Variants in SRRM4 observed in about 807,000 individuals in gnomAD.
SRRM4 encodes serine/arginine repetitive matrix protein 4.
In SRRM4, 33 loss-of-function variants were observed where a neutral mutation model predicts 68.9. The ratio of observed to expected loss-of-function variants is 0.48; its 90% CI spans 0.36 to 0.64. SRRM4 has a LOEUF of 0.64. SRRM4 is among the 30% of genes least tolerant of loss of function. The pLI, the probability that SRRM4 is intolerant of heterozygous loss-of-function variation, is 0.00. For missense variants in SRRM4, 817 were observed against 827.1 expected (o/e 0.99, Z 0.15); for synonymous variants, 318 against 318.8 (o/e 1.00, Z 0.03).
At chr12:119,028,444 A>C (rs975403341) in intron 1 of SRRM4, among the ~76,000 whole-genome samples, 2 of 152,192 alleles carry the variant, frequency 1.3e-5, no homozygotes, top group African/African-American at 2.4e-5. Flanking sequence ...GGTTTTATAA[A>C]GGGCAGTTCC....
intron 1 of SRRM4, among the ~76,000 whole-genome samples, chr12:119,035,627 G>GT (rs981977812): frequency 1.3e-5 from 2 of 151,846 alleles, no homozygotes; most frequent in African/African-American, 4.8e-5. Flanking sequence ...TCAATCTACT[G>GT]TTTCATGCTT....
intron 1 of SRRM4, among the ~76,000 whole-genome samples, chr12:119,101,778 T>C (rs1954079008): frequency 6.6e-6 from 1 of 152,136 alleles, no homozygotes; most frequent in South Asian, 2.1e-4. Flanking sequence ...AATCCTATCA[T>C]GCTTTGGCCT....
intron 1 of SRRM4, among the ~76,000 whole-genome samples, chr12:119,059,066 A>G (rs1474423): frequency 0.28 from 42,166 of 151,960 alleles, 6,099 homozygotes; most frequent in East Asian, 0.43. Flanking sequence ...CAAGCTCAAG[A>G]TCTGTGAACA....
intron 3 of SRRM4, 100 bp downstream of exon 3, chr12:119,114,464 C>G (rs929196805): frequency 1.2e-6 from 1 of 861,532 alleles, no homozygotes; most frequent in Non-Finnish European, 1.9e-6. Context: ...TTCAAATCCC[C>G]TCTCTGATGC....
intron 1 of SRRM4, among the ~76,000 whole-genome samples, chr12:118,995,785 C>A (rs1953345635): frequency 6.6e-6 from 1 of 152,148 alleles, no homozygotes; most frequent in South Asian, 2.1e-4. Context: ...CATGCATCTA[C>A]CCATCCACCC....
intron 1 of SRRM4, among the ~76,000 whole-genome samples, chr12:119,078,276 T>G (rs1039618350): frequency 5.9e-5 from 9 of 152,208 alleles, no homozygotes; most frequent in African/African-American, 1.9e-4. Context: ...CCACTAGTTG[T>G]GTACTGAGCT....
intron 6 of SRRM4, among the ~76,000 whole-genome samples, chr12:119,122,707 C>A (rs1164097775): frequency 6.6e-6 from 1 of 152,034 alleles, no homozygotes; most frequent in African/African-American, 2.4e-5. Flanking sequence ...ACACTAAATT[C>A]TATGCACTGT....
intron 1 of SRRM4, among the ~76,000 whole-genome samples, chr12:119,009,714 G>GT (rs1247828582): frequency 2.0e-5 from 3 of 152,142 alleles, no homozygotes; most frequent in African/African-American, 7.2e-5. Flanking sequence ...AACAGCAAAT[G>GT]TCCACTGAGT....
At chr12:119,092,583 T>C (rs539447737) in intron 1 of SRRM4, among the ~76,000 whole-genome samples, 2 of 152,272 alleles carry the variant, frequency 1.3e-5, no homozygotes, top group South Asian at 2.1e-4. Flanking sequence ...AAAAACTCTG[T>C]TGATTCTACC....
chr12:119,110,178 C>T (rs1419002560), intron 2 of SRRM4, among the ~76,000 whole-genome samples: 1 of 152,202 alleles, frequency 6.6e-6, no homozygotes, highest in Non-Finnish European at 1.5e-5. Context: ...CCTGATCCTT[C>T]CTCTGGAATC....
intron 1 of SRRM4, among the ~76,000 whole-genome samples, chr12:119,056,695 C>T (rs1281491483): frequency 6.6e-6 from 1 of 152,102 alleles, no homozygotes; most frequent in Admixed American, 6.6e-5. Context: ...CTCACTCGGC[C>T]TTCTTTTGCA....
chr12:119,078,259 C>A, intron 1 of SRRM4, among the ~76,000 whole-genome samples: 1 of 152,154 alleles, frequency 6.6e-6, no homozygotes, highest in East Asian at 1.9e-4. Context: ...TATAAGCATC[C>A]ATTTGCCCAC....
At chr12:119,106,949 T>C (rs1954111398) in intron 2 of SRRM4, among the ~76,000 whole-genome samples, 1 of 152,210 alleles carries the variant, frequency 6.6e-6, no homozygotes, top group South Asian at 2.1e-4. Context: ...TGTGGGTTTG[T>C]CATAAATAGC....
intron 1 of SRRM4, among the ~76,000 whole-genome samples, chr12:119,075,035 G>T (rs978112883): frequency 6.6e-6 from 1 of 152,192 alleles, no homozygotes; most frequent in Non-Finnish European, 1.5e-5. Flanking sequence ...ACGGGGATTT[G>T]AGTGAGCCCT....
At chr12:119,106,047 C>T (rs1479615719) in intron 2 of SRRM4, among the ~76,000 whole-genome samples, 1 of 152,200 alleles carries the variant, frequency 6.6e-6, no homozygotes, top group African/African-American at 2.4e-5. Flanking sequence ...GTTTTCCCAG[C>T]ACCACTTATT....
At chr12:119,082,320 G>A (rs915381891) in intron 1 of SRRM4, among the ~76,000 whole-genome samples, 3 of 151,808 alleles carry the variant, frequency 2.0e-5, no homozygotes, top group Non-Finnish European at 4.4e-5. Flanking sequence ...CCTCCACCAC[G>A]CTGGCCTCAT....
At position 118,996,469 on chromosome 12, in the gene SRRM4, T is replaced by G. The variant is rs143287521; in HGVS notation, c.131+14456T>G. On this transcript the variant is annotated intron_variant, in intron 1 of 12. Transcript: ENST00000267260. ...CTTACATTTTAGTATAGGAGACATG[T>G]TTATGAATAACTAGTGACTAGAAAG... Among the ~76,000 whole-genome samples the G allele has an allele frequency of 1.7e-3, 255 of 152,352 alleles. 5 individuals are homozygous for G. The East Asian group carries it at 0.046, about 27-fold the overall frequency.
intron 1 of SRRM4, among the ~76,000 whole-genome samples, chr12:118,990,850 C>T (rs1040909361): frequency 2.6e-5 from 4 of 152,134 alleles, no homozygotes; most frequent in African/African-American, 2.4e-5. Flanking sequence ...GATGGAGTCT[C>T]GCTCTGTCAC....
intron 1 of SRRM4, among the ~76,000 whole-genome samples, chr12:118,998,069 G>T (rs1044548213): frequency 2.6e-5 from 4 of 152,058 alleles, no homozygotes; most frequent in African/African-American, 7.3e-5. Context: ...AGCCAAGTTT[G>T]CTGGTCAGAG....
Sources: allele counts gnomAD v4.1 joint callset (sites outside exome capture counted in the v4.1 genomes callset), GRCh38; gene constraint gnomAD v4.1.1; transcripts MANE v1.5; gene names NCBI Gene and HGNC (gene_info 2026-07-23, HGNC 2026-07-21).